PCDHGA3: variants seen among roughly 807,000 people sequenced by gnomAD.
PCDHGA3 encodes the protein protocadherin gamma-A3.
Under a neutral mutation model 58.5 loss-of-function variants are expected in PCDHGA3, and 40 were observed. The ratio of observed to expected loss-of-function variants is 0.68; its 90% confidence interval spans 0.53 to 0.89. PCDHGA3 has a LOEUF of 0.89. Among genes scored for constraint, PCDHGA3 ranks in the 40% least tolerant of loss-of-function variants. PCDHGA3 has a pLI of 0.00. For synonymous variants in PCDHGA3, 530 were observed against 525.7 expected, an observed-to-expected ratio of 1.01 and a Z score of -0.11; for missense variants, 1,223 against 1,195.9, an observed-to-expected ratio of 1.02 and a Z score of -0.33.
intron 1 of PCDHGA3, chr5:141,375,163 A>C (rs1313060581): frequency 1.2e-6 from 2 of 1,613,774 alleles, no homozygotes; most frequent in South Asian, 2.2e-5. Flanking sequence ...CTGAAAGTGC[A>C]CCTCCAGGAA....
chr5:141,416,819 G>A (rs952251457), intron 1 of PCDHGA3: 5 of 151,982 alleles, frequency 3.3e-5, no homozygotes, highest in African/African-American at 9.7e-5. Flanking sequence ...AAAGCATTCC[G>A]AAGTTTCTCA....
intron 1 of PCDHGA3, chr5:141,421,459 G>T: frequency 6.2e-7 from 1 of 1,614,142 alleles, no homozygotes; most frequent in South Asian, 1.1e-5. Context: ...GCTTTTCGCT[G>T]TGAATCCGCG....
At chr5:141,371,345 T>TG (rs1178665977) in intron 1 of PCDHGA3, 1 of 1,613,878 alleles carries the variant, frequency 6.2e-7, no homozygotes, top group Non-Finnish European at 8.5e-7. Context: ...GCTACACAAT[T>TG]GGGGTGGAAG....
chr5:141,357,451 C>A, intron 1 of PCDHGA3: 1 of 1,614,216 alleles, frequency 6.2e-7, no homozygotes, highest in South Asian at 1.1e-5. Context: ...GGCTTTCCTG[C>A]AGACCTATTC....
chr5:141,385,238 T>C (rs756116390), intron 1 of PCDHGA3: 1 of 1,614,074 alleles, frequency 6.2e-7, no homozygotes, highest in Non-Finnish European at 8.5e-7. Context: ...GACATGCTCA[T>C]CAGCCAGGAG....
intron 1 of PCDHGA3, among the ~76,000 whole-genome samples, chr5:141,437,431 A>G (rs1282194918): frequency 6.6e-6 from 1 of 152,234 alleles, no homozygotes; most frequent in African/African-American, 2.4e-5. Flanking sequence ...TGAAGCAGCA[A>G]TAGCATAGGA....
chr5:141,364,351 C>T (rs1194197136), intron 1 of PCDHGA3: 12 of 1,550,222 alleles, frequency 7.7e-6, no homozygotes, highest in Non-Finnish European at 9.6e-6. Context: ...CACCTAGGGG[C>T]TGGGGCTGCG....
chr5:141,428,508 T>G, intron 1 of PCDHGA3: 1 of 279,550 alleles, frequency 3.6e-6, no homozygotes, highest in South Asian at 4.0e-5. Flanking sequence ...CCTCGGATTC[T>G]AGAAAAAGAA....
chr5:141,413,387 T>G (rs902208287), intron 1 of PCDHGA3: 1 of 1,613,908 alleles, frequency 6.2e-7, no homozygotes, highest in Non-Finnish European at 8.5e-7. Context: ...GTCCGCATAG[T>G]CTCCAGAGGT....
chr5:141,421,799 A>G (rs778353620), intron 1 of PCDHGA3: 1 of 1,613,860 alleles, frequency 6.2e-7, no homozygotes, highest in South Asian at 1.1e-5. Flanking sequence ...GATGGGGCCA[A>G]GAATCCAGAG....
Position 141,478,407 on chromosome 5 carries a change from C to T in PCDHGA3, c.2425-16400C>T. On this transcript the variant is annotated intron_variant, in intron 1 of 3. Coordinates refer to ENST00000253812, the MANE Select transcript of PCDHGA3 (RefSeq NM_018916.4). The stretch of plus-strand genomic sequence containing the variant: ...CTTTACCATCAGGTGTATCTCACCA[C>T]GGACTCCCGCCGCAGCGACCCGCTG... 1.9e-6 allele frequency: 3 copies of T among 1,613,272 alleles called. No individual in the cohort carries two copies. The highest frequency in any genetic ancestry group is 1.3e-5 in the African/African-American group (1 of 75,072).
At chr5:141,400,609 A>G (rs376731583) in intron 1 of PCDHGA3, 129 of 1,577,604 alleles carry the variant, frequency 8.2e-5, no homozygotes, top group South Asian at 3.2e-4. Flanking sequence ...TTCAAGTCCA[A>G]TGAGTTGTCT....
chr5:141,502,694 G>A (rs1039264846), intron 2 of PCDHGA3, among the ~76,000 whole-genome samples: 5 of 152,180 alleles, frequency 3.3e-5, no homozygotes, highest in African/African-American at 1.2e-4. Flanking sequence ...ATCCTTGCCT[G>A]TATCTGTTTT....
At chr5:141,427,683 G>A (rs761750638) in intron 1 of PCDHGA3, 3 of 836,052 alleles carry the variant, frequency 3.6e-6, no homozygotes, top group South Asian at 2.8e-5. Flanking sequence ...CCTTCCCGGA[G>A]CCTCCATCCC....
At chr5:141,366,725 GCAAA>G (rs1561539069) in intron 1 of PCDHGA3, 1 of 1,613,584 alleles carries the variant, frequency 6.2e-7, no homozygotes, top group East Asian at 2.2e-5. Context: ...TAAGGTAGAT[GCAAA>G]CAAAGAAGAA....
In PCDHGA3 at chr5:141,345,901, C is replaced by G. The variant is rs753019575; in HGVS notation, c.1868C>G (p.Thr623Arg). 3.1e-6 allele frequency: 5 copies of G among 1,613,188 alleles called. No homozygotes were observed. The East Asian group carries it at 1.1e-4, about 36-fold the overall frequency. The change falls in exon 1 of 4, where the codon ACG becomes AGG. Residue 623 changes from threonine (T) to arginine (R), a missense_variant. By Grantham distance (71) the Thr-to-Arg change is moderately conservative. This residue lies in a region of PCDHGA3 where 107 missense variants were observed against 159.8 expected (regional missense o/e 0.67). Coordinates refer to ENST00000253812, the MANE Select transcript of PCDHGA3 (RefSeq NM_018916.4). ...GGACTCTTCTCGGTGGGTCTGCACA[C>G]GGGCGAGGTGCGCACGGCGCGAGCC... ...EPGLFSVGLH[T>R]GEVRTARALL...
At chr5:141,423,755 G>GT (rs542747697) in intron 1 of PCDHGA3, 5 of 512,416 alleles carry the variant, frequency 9.8e-6, no homozygotes, top group Admixed American at 7.1e-5. Context: ...CTGTTTGGGG[G>GT]GGGGGTGGGG....
chr5:141,360,775 G>A lies in PCDHGA3; in HGVS notation c.2424+14318G>A. 1.2e-6 allele frequency: 2 copies of A among 1,613,924 alleles called. 1 individual carries two copies. The highest frequency in any genetic ancestry group is 2.2e-5 in the South Asian group (2 of 91,086). On this transcript the variant is annotated intron_variant, in intron 1 of 3. Coordinates refer to ENST00000253812, the MANE Select transcript of PCDHGA3 (RefSeq NM_018916.4). ...CAGTTTACATCAATTGGTCCTCACA[G>A]CTGTGGATGGCGGAGACCCACCTCA...
chr5:141,423,338 T>A, intron 1 of PCDHGA3: 1 of 1,614,150 alleles, frequency 6.2e-7, no homozygotes, highest in Middle Eastern at 1.6e-4. Flanking sequence ...GTCTCCTGCA[T>A]CTTCCTGGTC....
Sources: allele counts gnomAD v4.1 joint callset (sites outside exome capture counted in the v4.1 genomes callset), GRCh38; gene constraint gnomAD v4.1.1; regional missense constraint gnomAD v4.1.1; transcripts MANE v1.5; gene names NCBI Gene and HGNC (gene_info 2026-07-23, HGNC 2026-07-21).